The following DTD1 variants were observed in gnomAD, a reference collection of about 807,000 sequenced individuals.
DTD1 encodes D-aminoacyl-tRNA deacylase 1.
In DTD1, 13 loss-of-function variants were observed where a neutral mutation model predicts 25.6. That is an observed-to-expected ratio of 0.51 (90% CI 0.33 to 0.81). DTD1 has a LOEUF of 0.81. DTD1 is among the 30% of genes least tolerant of loss of function. DTD1 has a pLI of 0.02. For synonymous variants in DTD1, 110 were observed against 103.6 expected (o/e 1.06, Z -0.37); for missense variants, 193 against 266.4 (o/e 0.72, Z 1.92).
At chr20:18,743,464 T>C (rs2061286117) in intron 4 of DTD1, among the ~76,000 whole-genome samples, 1 of 150,028 alleles carries the variant, frequency 6.7e-6, no homozygotes, top group East Asian at 1.9e-4. Context: ...GAGGCCGAGG[T>C]GGGTGGGTTG....
intron 4 of DTD1, chr20:18,674,626 TGG>T (rs2122395554): frequency 6.6e-6 from 1 of 152,432 alleles, no homozygotes; most frequent in Non-Finnish European, 1.5e-5. Context: ...CTATCTCCTC[TGG>T]GGGAGCTGAT....
Position 18,591,823 on chromosome 20 carries a change from C to T in DTD1, c.44-1908C>T, listed in dbSNP as rs529467250. On this transcript the variant is annotated intron_variant, in intron 1 of 5. Transcript: ENST00000377452. ...TCTGAAGCAATGCAAATGAGCAAAC[C>T]AACCCCCAATTGTTTACTGCCTATG... Among the ~76,000 whole-genome samples, 15 of 152,110 alleles carry T rather than the reference C, an allele frequency of 9.9e-5. No homozygotes were observed. The South Asian group carries it at 2.9e-3, about 29-fold the overall frequency.
rs771951655 is a variant in DTD1 at position 18,749,875 on chromosome 20, C to T, written c.*19+5604C>T. Among the ~76,000 whole-genome samples, 5 of 152,220 alleles carry T rather than the reference C, an allele frequency of 3.3e-5. No individual in the cohort carries two copies. Among genetic ancestry groups the T allele is most frequent in the African/African-American group, 4.8e-5 (2 of 41,452 alleles). ...TGGAGGCTCATGAACAAGTTTAGAT[C>T]GGCCCATGAAAGACAGAGGCCACGT... On this transcript the variant is annotated intron_variant, in intron 5 of 5. Coordinates refer to ENST00000377452, the MANE Select transcript of DTD1 (RefSeq NM_080820.6). This position sits in a 1 kb window ranked among gnomAD's most constrained non-coding sequence, Gnocchi z 4.2.
chr20:18,699,919 C>T (rs758663967), intron 4 of DTD1, among the ~76,000 whole-genome samples: 84 of 152,340 alleles, frequency 5.5e-4, no homozygotes, highest in Non-Finnish European at 1.0e-3. Context: ...TCTCACATAT[C>T]TGTAGTAGTG....
At chr20:18,705,230 T>G (rs1355736365) in intron 4 of DTD1, among the ~76,000 whole-genome samples, 2 of 152,108 alleles carry the variant, frequency 1.3e-5, no homozygotes, top group Non-Finnish European at 2.9e-5. Context: ...AATTTTGCTT[T>G]TCAGGATATC....
chr20:18,717,222 T>A (rs2122487306), intron 4 of DTD1, among the ~76,000 whole-genome samples: 1 of 152,338 alleles, frequency 6.6e-6, no homozygotes. Context: ...CATCACATGG[T>A]GTTTTAAGTG....
chr20:18,623,019 G>T (rs1398770585), intron 3 of DTD1, among the ~76,000 whole-genome samples: 1 of 146,480 alleles, frequency 6.8e-6, no homozygotes, highest in African/African-American at 2.5e-5. Context: ...GGCTCATTGC[G>T]ACCTCCGCCT....
At chr20:18,624,790 G>A (rs2060750739) in intron 3 of DTD1, among the ~76,000 whole-genome samples, 1 of 152,182 alleles carries the variant, frequency 6.6e-6, no homozygotes, top group Admixed American at 6.5e-5. Flanking sequence ...TGGATCTCCT[G>A]TTATGCAAGA....
At chr20:18,664,427 C>A (rs770602050) in intron 4 of DTD1, among the ~76,000 whole-genome samples, 5 of 152,158 alleles carry the variant, frequency 3.3e-5, no homozygotes, top group Non-Finnish European at 7.4e-5. Context: ...CTTCATGCCC[C>A]TTGTGTTCCT....
chr20:18,736,655 G>C (rs1360840059), intron 4 of DTD1, among the ~76,000 whole-genome samples: 1 of 152,170 alleles, frequency 6.6e-6, no homozygotes, highest in Non-Finnish European at 1.5e-5. Context: ...ACCTTGACTG[G>C]CTGCCCAAGA....
At chr20:18,700,588 G>A (rs368409843) in intron 4 of DTD1, among the ~76,000 whole-genome samples, 45 of 151,860 alleles carry the variant, frequency 3.0e-4, no homozygotes, top group East Asian at 2.9e-3. Context: ...ACATAGTGGT[G>A]AATTCTGAGA....
At chr20:18,712,848 T>C (rs1483182457) in intron 4 of DTD1, among the ~76,000 whole-genome samples, 1 of 152,208 alleles carries the variant, frequency 6.6e-6, no homozygotes, top group African/African-American at 2.4e-5. Context: ...TTCCTTCAGC[T>C]CCCCCAAATC....
intron 3 of DTD1, among the ~76,000 whole-genome samples, chr20:18,616,014 C>G (rs1362559368): frequency 6.6e-6 from 1 of 152,168 alleles, no homozygotes; most frequent in Non-Finnish European, 1.5e-5. Flanking sequence ...AGTGAACTTT[C>G]AGTGGAAGCC....
intron 4 of DTD1, among the ~76,000 whole-genome samples, chr20:18,663,073 C>T (rs912231810): frequency 1.3e-5 from 2 of 152,160 alleles, no homozygotes; most frequent in African/African-American, 2.4e-5. Context: ...TGGTATCCTA[C>T]CCAGGTCAGA....
chr20:18,732,655 T>C (rs534393675), intron 4 of DTD1, among the ~76,000 whole-genome samples: 1 of 152,228 alleles, frequency 6.6e-6, no homozygotes, highest in East Asian at 1.9e-4. Flanking sequence ...GTGCAGTCGA[T>C]ACCTTGTTCC....
At chr20:18,740,502 C>T (rs1056400180) in intron 4 of DTD1, among the ~76,000 whole-genome samples, 9 of 151,924 alleles carry the variant, frequency 5.9e-5, no homozygotes, top group African/African-American at 2.2e-4. Context: ...CACATGGATG[C>T]GAATATAAAA....
intron 5 of DTD1, among the ~76,000 whole-genome samples, chr20:18,748,936 T>C (rs1195548069): frequency 6.6e-6 from 1 of 152,008 alleles, no homozygotes; most frequent in South Asian, 2.1e-4. Context: ...GAGGAGGCAG[T>C]TGTGTTTTTC....
chr20:18,712,337 T>C (rs2061162592), intron 4 of DTD1, among the ~76,000 whole-genome samples: 1 of 150,904 alleles, frequency 6.6e-6, no homozygotes, highest in African/African-American at 2.4e-5. Flanking sequence ...AATTCTTTCC[T>C]TTGTGACCAC....
intron 4 of DTD1, among the ~76,000 whole-genome samples, chr20:18,638,203 C>T: frequency 1.3e-5 from 1 of 76,972 alleles, no homozygotes; most frequent in Non-Finnish European, 3.1e-5. Flanking sequence ...ATCCATCCAT[C>T]CATCCATCCA....
Sources: gnomAD v4.1 joint callset for allele counts (sites outside exome capture counted in the v4.1 genomes callset) on GRCh38, gnomAD v4.1.1 for gene constraint, Gnocchi (gnomAD v3.1) non-coding constraint, MANE v1.5 for transcripts, NCBI Gene and HGNC (gene_info 2026-07-23, HGNC 2026-07-21) for gene names.